GRIK3: variants seen among roughly 807,000 people sequenced by gnomAD.
GRIK3 encodes glutamate receptor ionotropic, kainate 3.
A neutral mutation model predicts 102.5 loss-of-function variants in GRIK3; 29 were observed. The observed-to-expected ratio is 0.28, with a 90% CI of 0.21 to 0.39. The LOEUF (loss-of-function observed/expected upper bound fraction) is 0.39. Among genes scored for constraint, GRIK3 ranks in the 10% least tolerant of loss-of-function variants. The pLI is 1.00. For synonymous variants in GRIK3, 511 were observed against 504.9 expected (o/e 1.01, Z -0.16); for missense variants, 908 against 1,252.4 (o/e 0.73, Z 4.15).
intron 10 of GRIK3, among the ~76,000 whole-genome samples, chr1:36,840,620 A>T (rs991182670): frequency 2.6e-5 from 4 of 151,194 alleles, no homozygotes; most frequent in African/African-American, 9.7e-5. Flanking sequence ...CCAGCTACTC[A>T]GGAGACTAAG....
At chr1:36,914,282 T>C (rs1371323242) in intron 1 of GRIK3, among the ~76,000 whole-genome samples, 6 of 152,168 alleles carry the variant, frequency 3.9e-5, no homozygotes, top group Non-Finnish European at 8.8e-5. Flanking sequence ...GAGGGAAAAT[T>C]GTGTCATTGC....
intron 1 of GRIK3, among the ~76,000 whole-genome samples, chr1:36,960,863 T>A (rs546970509): frequency 1.8e-4 from 28 of 152,310 alleles, no homozygotes; most frequent in African/African-American, 5.5e-4. Flanking sequence ...AGGTCCCTTC[T>A]AGCCTAGGAC....
rs1478482811 is a variant in GRIK3 at position 36,806,687 on chromosome 1, AT to A, written c.2092-362del. On this transcript the variant is annotated intron_variant, in intron 13 of 15. Coordinates refer to ENST00000373091, the MANE Select transcript of GRIK3 (RefSeq NM_000831.4). The surrounding 1 kb of genome is among the most constrained non-coding windows in gnomAD (Gnocchi z 4.0). ...GTGCTCTACCTGCATTAACTCGTTGATTCTTCACAGCGCTCACAGGAGGCAG... is the reference window on the plus strand; with the variant it reads ...GTGCTCTACCTGCATTAACTCGTTGATCTTCACAGCGCTCACAGGAGGCAG... Among the ~76,000 whole-genome samples the A allele has an allele frequency of 1.3e-5, 2 of 152,194 alleles. No homozygotes were observed. The highest frequency in any genetic ancestry group is 4.8e-5 in the African/African-American group (2 of 41,442).
chr1:36,986,522 T>C (rs927204096), intron 1 of GRIK3, among the ~76,000 whole-genome samples: 3 of 152,058 alleles, frequency 2.0e-5, no homozygotes, highest in African/African-American at 7.2e-5. Flanking sequence ...ATTAAGGTCA[T>C]GTTCCCTGAG....
At chr1:37,026,825 C>A (rs1224607944) in intron 1 of GRIK3, among the ~76,000 whole-genome samples, 1 of 151,504 alleles carries the variant, frequency 6.6e-6, no homozygotes, top group Non-Finnish European at 1.5e-5. Context: ...TCTTGGAGTG[C>A]CAAGAAAGAA....
In GRIK3 at chr1:36,904,411, G is replaced by A. The variant is rs1458978504; in HGVS notation, c.116-13315C>T. Among the ~76,000 whole-genome samples, 69 of 152,172 alleles carry A rather than the reference G, an allele frequency of 4.5e-4. 1 individual carries two copies. Among genetic ancestry groups the A allele is most frequent in the Admixed American group, 4.5e-3 (69 of 15,270 alleles). ...TTTTTCTGTATTTTTAAAAAGTTCT[G>A]CAGTGAACATGTGTTACATTTCTCA... On this transcript the variant is annotated intron_variant, in intron 1 of 15. Coordinates refer to ENST00000373091, the MANE Select transcript of GRIK3 (RefSeq NM_000831.4).
intron 1 of GRIK3, among the ~76,000 whole-genome samples, chr1:37,003,432 A>AG (rs1642499801): frequency 6.6e-6 from 1 of 152,188 alleles, no homozygotes; most frequent in African/African-American, 2.4e-5. Context: ...ATTTCAGCTC[A>AG]GTTGGCCTTG....
rs988593499 is a variant in GRIK3 at position 36,810,118 on chromosome 1, C to A, written c.2092-3792G>T. On this transcript the variant is annotated intron_variant, in intron 13 of 15. Coordinates refer to ENST00000373091, the MANE Select transcript of GRIK3 (RefSeq NM_000831.4). The stretch of plus-strand genomic sequence containing the variant: ...GCAGTTGAGTGATTCTGGGGCACAA[C>A]CCTGTAAAGGTTCCTTGTGGCTTGT... Among the ~76,000 whole-genome samples the A allele has an allele frequency of 2.0e-5, 3 of 152,130 alleles. No individual in the cohort carries two copies. The South Asian group carries it at 6.2e-4, about 32-fold the overall frequency.
At chr1:36,868,039 G>A (rs1640804521) in intron 5 of GRIK3, among the ~76,000 whole-genome samples, 1 of 152,138 alleles carries the variant, frequency 6.6e-6, no homozygotes, top group Admixed American at 6.5e-5. Context: ...TGGCCACTGG[G>A]GTCAAGATCG....
At chr1:36,909,211 A>G (rs1035678442) in intron 1 of GRIK3, among the ~76,000 whole-genome samples, 9 of 152,132 alleles carry the variant, frequency 5.9e-5, no homozygotes, top group Non-Finnish European at 1.3e-4. Context: ...TCTGAAAACC[A>G]GTTATTAAAC....
At chr1:36,865,763 C>G (rs894044168) in intron 5 of GRIK3, among the ~76,000 whole-genome samples, 1 of 152,242 alleles carries the variant, frequency 6.6e-6, no homozygotes, top group African/African-American at 2.4e-5. Context: ...TGTCACTGAT[C>G]TGCTATGAAA....
chr1:37,005,519 C>T (rs147090398), intron 1 of GRIK3, among the ~76,000 whole-genome samples: 1 of 152,322 alleles, frequency 6.6e-6, no homozygotes, highest in Admixed American at 6.5e-5. Context: ...TCCCTAACAA[C>T]AGTGCTGGAG....
intron 1 of GRIK3, among the ~76,000 whole-genome samples, chr1:36,997,931 CT>C (rs1642437026): frequency 6.6e-6 from 1 of 152,202 alleles, no homozygotes; most frequent in African/African-American, 2.4e-5. Flanking sequence ...TCCTGGCCAT[CT>C]CTATCTCTCC....
chr1:36,989,525 C>T (rs142855269), intron 1 of GRIK3, among the ~76,000 whole-genome samples: 19 of 152,352 alleles, frequency 1.2e-4, no homozygotes, highest in Admixed American at 2.6e-4. Context: ...AGCGCTCCTC[C>T]CGGGGGCCTG....
chr1:36,914,217 C>T (rs907168694), intron 1 of GRIK3, among the ~76,000 whole-genome samples: 1 of 152,054 alleles, frequency 6.6e-6, no homozygotes, highest in Non-Finnish European at 1.5e-5. Context: ...GCTTTTGACT[C>T]CACTTACTAT....
At chr1:37,024,849 C>T (rs1309616572) in intron 1 of GRIK3, among the ~76,000 whole-genome samples, 2 of 151,888 alleles carry the variant, frequency 1.3e-5, no homozygotes, top group African/African-American at 4.8e-5. Context: ...ATGAGCTTAT[C>T]CTCAAGATTA....
intron 13 of GRIK3, among the ~76,000 whole-genome samples, chr1:36,813,024 G>C (rs1642580784): frequency 6.6e-6 from 1 of 152,184 alleles, no homozygotes; most frequent in African/African-American, 2.4e-5. Flanking sequence ...TGGGTATGTG[G>C]TCAACTGACT....
At chr1:36,853,454 G>C (rs1372871646) in intron 8 of GRIK3, among the ~76,000 whole-genome samples, 161 bp downstream of exon 8, 1 of 152,078 alleles carries the variant, frequency 6.6e-6, no homozygotes, top group Non-Finnish European at 1.5e-5. Context: ...TTCTCTGATG[G>C]GCCCCCAAGA....
chr1:36,957,455 G>A (rs111661961), intron 1 of GRIK3, among the ~76,000 whole-genome samples: 2,585 of 31,374 alleles, frequency 0.082, 1,001 homozygotes, highest in African/African-American at 0.26. Flanking sequence ...TCTGTGCCCT[G>A]TGAGCCTATG....
Sources: allele counts gnomAD v4.1 joint callset (sites outside exome capture counted in the v4.1 genomes callset), GRCh38; gene constraint gnomAD v4.1.1; non-coding constraint Gnocchi (gnomAD v3.1); transcripts MANE v1.5; gene names NCBI Gene and HGNC (gene_info 2026-07-23, HGNC 2026-07-21).